The following MYLK4 variants were observed in gnomAD, a reference collection of about 807,000 sequenced individuals.
The protein encoded by MYLK4 is myosin light chain kinase family member 4.
A neutral mutation model predicts 48.1 loss-of-function variants in MYLK4; 46 were observed. The observed-to-expected ratio is 0.96, with a 90% CI of 0.75 to 1.22. The LOEUF is 1.22. Among genes scored for constraint, MYLK4 ranks in the 50% most tolerant of loss-of-function variants. MYLK4 has a pLI of 0.00. For synonymous variants in MYLK4, 170 were observed against 180.8 expected, an observed-to-expected ratio of 0.94 and a Z score of 0.48; for missense variants, 451 against 486.1, an observed-to-expected ratio of 0.93 and a Z score of 0.68.
intron 2 of MYLK4, among the ~76,000 whole-genome samples, chr6:2,725,577 A>AAGAAAGAAAGAAAG (rs748564605): frequency 0.074 from 9,525 of 128,718 alleles, 482 homozygotes; most frequent in Admixed American, 0.11. Context: ...GAAAGAAAGA[A>AAGAAAGAAAGAAAG]AAAGAAAGAG....
chr6:2,756,017 AC>A, the MYLK4 span, among the ~76,000 whole-genome samples: 1 of 152,162 alleles, frequency 6.6e-6, no homozygotes, highest in African/African-American at 2.4e-5. Flanking sequence ...TGTAAAACTA[AC>A]CCTTTTATTT....
upstream of MYLK4, among the ~76,000 whole-genome samples, chr6:2,752,806 A>G (rs940617791): frequency 6.6e-6 from 1 of 152,202 alleles, no homozygotes; most frequent in Non-Finnish European, 1.5e-5. Context: ...AATTGTGTCT[A>G]CTTGCCCTAA....
At position 2,747,424 on chromosome 6, in the gene MYLK4, C is replaced by A. The variant is rs141821447; in HGVS notation, c.159+1712G>T. On this transcript the variant is annotated intron_variant, in intron 2 of 12. Coordinates refer to ENST00000274643, the MANE Select transcript of MYLK4 (RefSeq NM_001012418.5). ...GCAGTGGTGTGATCATAGCTCACTG[C>A]ATCCTTGAACTCCCGGGCTCAAGCA... Among the ~76,000 whole-genome samples, 50 of 152,266 alleles carry A rather than the reference C, an allele frequency of 3.3e-4. 2 individuals carry two copies. In the East Asian group the frequency reaches 9.5e-3, roughly 29 times the overall value.
chr6:2,765,778 CG>C, the MYLK4 span: 1 of 1,442,268 alleles, frequency 6.9e-7, no homozygotes, highest in Non-Finnish European at 9.1e-7. Flanking sequence ...AGCCCGCGGC[CG>C]GGTCGCACCG....
intron 2 of MYLK4, among the ~76,000 whole-genome samples, chr6:2,731,406 C>T (rs569818632): frequency 7.2e-5 from 11 of 152,312 alleles, no homozygotes; most frequent in African/African-American, 2.4e-4. Context: ...GGTCACTGAG[C>T]CATGGCTGCT....
At chr6:2,767,948 C>G in the MYLK4 span, among the ~76,000 whole-genome samples, 1 of 152,204 alleles carries the variant, frequency 6.6e-6, no homozygotes, top group Non-Finnish European at 1.5e-5. Flanking sequence ...GAAAGTACCA[C>G]CTTTCCATTT....
the MYLK4 span, among the ~76,000 whole-genome samples, chr6:2,758,390 TATAA>T: frequency 1.1e-4 from 17 of 151,394 alleles, no homozygotes; most frequent in African/African-American, 4.1e-4. Flanking sequence ...TTTTTGATAA[TATAA>T]ATAACAAAAA....
At chr6:2,689,473 CAA>C (rs1436141628) in intron 3 of MYLK4, among the ~76,000 whole-genome samples, 1 of 152,142 alleles carries the variant, frequency 6.6e-6, no homozygotes, top group Non-Finnish European at 1.5e-5. Flanking sequence ...ATTTAAGGCA[CAA>C]AGATGAATTT....
intron 2 of MYLK4, among the ~76,000 whole-genome samples, chr6:2,747,960 A>G (rs1038079584): frequency 1.1e-4 from 16 of 152,314 alleles, no homozygotes; most frequent in African/African-American, 3.1e-4. Flanking sequence ...AAATGTTTCA[A>G]TCTGATTCAT....
intron 2 of MYLK4, among the ~76,000 whole-genome samples, chr6:2,718,452 A>T (rs1762949231): frequency 6.6e-6 from 1 of 152,238 alleles, no homozygotes; most frequent in Non-Finnish European, 1.5e-5. Flanking sequence ...GCCATTGGTA[A>T]ATAAGCATAA....
At position 2,704,338 on chromosome 6, in the gene MYLK4, T is replaced by C. The variant is rs934177939; in HGVS notation, c.160-11479A>G. Among the ~76,000 whole-genome samples, 6 of 152,340 alleles carry C rather than the reference T, an allele frequency of 3.9e-5. No individual in the cohort carries two copies. The East Asian group carries it at 5.8e-4, about 15-fold the overall frequency. On this transcript the variant is annotated intron_variant, in intron 2 of 12. Transcript: ENST00000274643. ...GTGGTACCTACAAGTCCCACGTCCA[T>C]GCAGCGCAATCTGTTGTCCTGGACC... is the stretch of plus-strand genomic sequence containing the variant.
chr6:2,671,307 G>T lies in MYLK4; in HGVS notation c.1161C>A (p.Thr387=). 6.2e-7 allele frequency: 1 copy of T among 1,613,964 alleles called. No individual in the cohort carries two copies. Among genetic ancestry groups the T allele is most frequent in the Non-Finnish European group, 8.5e-7 (1 of 1,179,958 alleles). The change falls in exon 12 of 13, where the codon ACC becomes ACA. Residue 387 remains threonine (T), a synonymous_variant. Coordinates refer to ENST00000274643, the MANE Select transcript of MYLK4 (RefSeq NM_001012418.5). ...NRGSDAQDFV[T]K Reference sequence around the variant, plus strand: ...AATGGCTGCCTCCTGTAGACTATTTGGTCACAAAGTCCTGGGCATCAGAGC... The same window carrying T: ...AATGGCTGCCTCCTGTAGACTATTTTGTCACAAAGTCCTGGGCATCAGAGC...
rs557790165 is a variant in MYLK4 at position 2,685,278 on chromosome 6, G to A, written c.545+18C>T. 1 of 1,580,942 alleles carries A rather than the reference G, an allele frequency of 6.3e-7. No homozygotes were observed. The highest frequency in any genetic ancestry group is 8.7e-7 in the Non-Finnish European group (1 of 1,152,082). On this transcript the variant is annotated intron_variant, in intron 6 of 12. Transcript: ENST00000274643. The surrounding 1 kb of genome is among the most constrained non-coding windows in gnomAD (Gnocchi z 4.5). ...GTGCCCTTGGGGAGGTCAGGGAGGG[G>A]GCGGAGGGGATACGTACTACTCCAT...
At chr6:2,733,350 T>TA (rs1349626812) in intron 2 of MYLK4, among the ~76,000 whole-genome samples, 2 of 152,190 alleles carry the variant, frequency 1.3e-5, no homozygotes, top group Non-Finnish European at 2.9e-5. Context: ...AATACATGTG[T>TA]AAAAACTACA....
At chr6:2,706,570 T>C (rs1160190917) in intron 2 of MYLK4, among the ~76,000 whole-genome samples, 2 of 152,202 alleles carry the variant, frequency 1.3e-5, no homozygotes, top group Non-Finnish European at 2.9e-5. Flanking sequence ...GACAAGATTA[T>C]GAAAACTGTA....
intron 4 of MYLK4, among the ~76,000 whole-genome samples, chr6:2,688,330 A>T (rs1441133375): frequency 6.6e-6 from 1 of 152,216 alleles, no homozygotes; most frequent in Non-Finnish European, 1.5e-5. Context: ...AAGTGCTGGG[A>T]TTACAGGCGT....
chr6:2,719,017 T>C (rs891605902), intron 2 of MYLK4, among the ~76,000 whole-genome samples: 1 of 152,198 alleles, frequency 6.6e-6, no homozygotes, highest in Non-Finnish European at 1.5e-5. Flanking sequence ...CTTTCCACCA[T>C]CCCACTGACA....
At chr6:2,730,781 G>C (rs1377181444) in intron 2 of MYLK4, among the ~76,000 whole-genome samples, 4 of 151,932 alleles carry the variant, frequency 2.6e-5, no homozygotes, top group African/African-American at 9.7e-5. Flanking sequence ...GCACAGCAAA[G>C]ACCTATTTCC....
intron 2 of MYLK4, among the ~76,000 whole-genome samples, chr6:2,732,698 C>A (rs1324348815): frequency 1.3e-5 from 2 of 151,704 alleles, no homozygotes; most frequent in African/African-American, 2.4e-5. Context: ...GGGTGTCAGA[C>A]CAACATCCTG....
Sources: allele counts gnomAD v4.1 joint callset (sites outside exome capture counted in the v4.1 genomes callset), GRCh38; gene constraint gnomAD v4.1.1; non-coding constraint Gnocchi (gnomAD v3.1); transcripts MANE v1.5; gene names NCBI Gene and HGNC (gene_info 2026-07-23, HGNC 2026-07-21).